The following FHOD3 variants were observed in gnomAD, a reference collection of about 807,000 sequenced individuals.
The protein encoded by FHOD3 is FH1/FH2 domain-containing protein 3.
In FHOD3, 90 loss-of-function variants were observed where a neutral mutation model predicts 173.0. The ratio of observed to expected loss-of-function variants is 0.52; its 90% CI spans 0.44 to 0.62. FHOD3 has a LOEUF of 0.62. FHOD3 is among the 20% of genes least tolerant of loss of function. The pLI, the probability that FHOD3 is intolerant of heterozygous loss-of-function variation, is 0.00. For missense variants in FHOD3, 1,945 were observed against 2,034.7 expected (o/e 0.96, Z 0.85); for synonymous variants, 828 against 823.0 (o/e 1.01, Z -0.10).
In FHOD3 at chr18:36,443,010, A is replaced by T. The variant is rs138037436; in HGVS notation, c.338-58922A>T. Among the ~76,000 whole-genome samples the T allele has an allele frequency of 3.3e-5, 5 of 152,190 alleles. No individual in the cohort carries two copies. The East Asian group carries it at 9.6e-4, about 29-fold the overall frequency. On this transcript the variant is annotated intron_variant, in intron 3 of 28. Coordinates refer to ENST00000590592, the MANE Select transcript of FHOD3 (RefSeq NM_001281740.3). ...TGATGTTTCCTTGTGATTGATTTCA[A>T]GTTATACATTTTTGACAAAATGCCA...
intron 26 of FHOD3, among the ~76,000 whole-genome samples, chr18:36,759,608 G>C (rs1235012348): frequency 6.6e-6 from 1 of 152,228 alleles, no homozygotes; most frequent in Non-Finnish European, 1.5e-5. Flanking sequence ...TTCCTCTGCT[G>C]GTGTTAATGG....
intron 5 of FHOD3, among the ~76,000 whole-genome samples, chr18:36,558,086 G>A (rs1025533970): frequency 6.6e-6 from 1 of 152,134 alleles, no homozygotes; most frequent in Admixed American, 6.5e-5. Flanking sequence ...TTCCCTGACT[G>A]AAGTACATTC....
At chr18:36,301,834 T>A (rs960099917) in intron 1 of FHOD3, among the ~76,000 whole-genome samples, 3 of 152,236 alleles carry the variant, frequency 2.0e-5, no homozygotes, top group Non-Finnish European at 4.4e-5. Flanking sequence ...ACTGGTGACT[T>A]TTTTAGTGTA....
intron 1 of FHOD3, among the ~76,000 whole-genome samples, chr18:36,303,299 T>G (rs1366084052): frequency 1.3e-5 from 2 of 152,142 alleles, no homozygotes; most frequent in African/African-American, 4.8e-5. Flanking sequence ...CAAATCCTAT[T>G]GTTAACTCTG....
chr18:36,454,860 T>C (rs1251111925), intron 3 of FHOD3, among the ~76,000 whole-genome samples: 4 of 152,314 alleles, frequency 2.6e-5, no homozygotes, highest in Non-Finnish European at 5.9e-5. Flanking sequence ...TACACCCAGC[T>C]TTCAGAGACA....
At chr18:36,382,244 C>T (rs981320106) in intron 3 of FHOD3, among the ~76,000 whole-genome samples, 23 of 152,092 alleles carry the variant, frequency 1.5e-4, no homozygotes, top group East Asian at 7.7e-4. Flanking sequence ...CTTTGATGAG[C>T]GAATGAAGAA....
At chr18:36,684,494 T>TAA (rs954584015) in intron 15 of FHOD3, among the ~76,000 whole-genome samples, 63 of 147,226 alleles carry the variant, frequency 4.3e-4, no homozygotes, top group African/African-American at 1.5e-3. Context: ...GATGTCTCTG[T>TAA]AAAAAAAAAA....
In FHOD3 at chr18:36,594,711, G is replaced by A. The variant is rs770180951; in HGVS notation, c.607-76G>A. The A allele has an allele frequency of 4.5e-4, 442 of 976,452 alleles. 2 individuals carry two copies. Among genetic ancestry groups the A allele is most frequent in the Non-Finnish European group, 6.4e-4 (404 of 632,766 alleles). 60.5% of individuals were successfully genotyped at this position (976,452 alleles called of 1,614,324 possible). A position where few individuals can be genotyped will look rare whatever the true frequency, so the allele number is the denominator to read the frequency against. The stretch of plus-strand genomic sequence containing the variant: ...CTCATCTAGGAAGTGCTGGGTGCCC[G>A]CTGCGGTTAGGAAGATGCTCTCTGG... On this transcript the variant is annotated intron_variant, in intron 6 of 28. Coordinates refer to ENST00000590592, the MANE Select transcript of FHOD3 (RefSeq NM_001281740.3).
intron 25 of FHOD3, 57 bp from the exon 26 acceptor site, chr18:36,759,061 C>G: frequency 6.6e-7 from 1 of 1,523,214 alleles, no homozygotes; most frequent in South Asian, 1.2e-5. Flanking sequence ...GACTTCTGTG[C>G]CTTCTAAGAA....
chr18:36,613,225 C>T (rs1360237939), intron 9 of FHOD3, among the ~76,000 whole-genome samples: 1 of 152,210 alleles, frequency 6.6e-6, no homozygotes, highest in East Asian at 1.9e-4. Context: ...ACATGAGCAG[C>T]AAGGAATGGC....
intron 3 of FHOD3, among the ~76,000 whole-genome samples, chr18:36,430,491 A>G (rs1404424024): frequency 6.6e-6 from 1 of 152,242 alleles, no homozygotes; most frequent in Non-Finnish European, 1.5e-5. Flanking sequence ...TGCTGGGATT[A>G]CAGGCGTGAG....
rs1341825906 is a variant in FHOD3, at chr18:36,583,849, G to A, written c.606+7304G>A. ...ATTACTATTATTATTATTTTGAGAC[G>A]GAGTCTCACTCTGTCACCCAGGCTG... On this transcript the variant is annotated intron_variant, in intron 6 of 28. Transcript: ENST00000590592. Among the ~76,000 whole-genome samples the A allele has an allele frequency of 2.6e-5, 4 of 151,474 alleles. No individual in the cohort carries two copies. The East Asian group carries it at 5.8e-4, about 22-fold the overall frequency.
chr18:36,456,098 A>T (rs1282049450), intron 3 of FHOD3, among the ~76,000 whole-genome samples: 1 of 152,068 alleles, frequency 6.6e-6, no homozygotes, highest in Non-Finnish European at 1.5e-5. Flanking sequence ...TGTGAAGTTA[A>T]TGGGGCTTCT....
intron 19 of FHOD3, among the ~76,000 whole-genome samples, chr18:36,722,077 G>A (rs1218153263): frequency 1.3e-5 from 2 of 152,080 alleles, no homozygotes; most frequent in Non-Finnish European, 1.5e-5. Flanking sequence ...TTCTGGAATT[G>A]GATCAATTTT....
chr18:36,441,082 C>T (rs1049338431), intron 3 of FHOD3, among the ~76,000 whole-genome samples: 3 of 152,086 alleles, frequency 2.0e-5, no homozygotes, highest in Admixed American at 6.5e-5. Flanking sequence ...TTATAGATTC[C>T]TCAGTTCCAG....
intron 3 of FHOD3, among the ~76,000 whole-genome samples, chr18:36,412,542 A>G (rs2049409084): frequency 6.6e-6 from 1 of 152,220 alleles, no homozygotes; most frequent in Admixed American, 6.5e-5. Flanking sequence ...TTGGAAAGAT[A>G]TTATGCGATT....
chr18:36,323,256 C>T (rs1036507865), intron 1 of FHOD3, among the ~76,000 whole-genome samples: 13 of 152,136 alleles, frequency 8.5e-5, no homozygotes, highest in African/African-American at 1.4e-4. Flanking sequence ...AGGCCAGCAA[C>T]GGGGAATGCC....
At chr18:36,480,781 T>C (rs2053839374) in intron 3 of FHOD3, among the ~76,000 whole-genome samples, 1 of 152,226 alleles carries the variant, frequency 6.6e-6, no homozygotes, top group Non-Finnish European at 1.5e-5. Context: ...TTGTATTGCA[T>C]GTTCATTGGC....
At chr18:36,478,593 T>C (rs1690538247) in intron 3 of FHOD3, among the ~76,000 whole-genome samples, 1 of 152,174 alleles carries the variant, frequency 6.6e-6, no homozygotes, top group Admixed American at 6.5e-5. Context: ...CCTCCTTCTG[T>C]CCACTTTACA....
Sources: allele counts gnomAD v4.1 joint callset (sites outside exome capture counted in the v4.1 genomes callset), GRCh38; gene constraint gnomAD v4.1.1; transcripts MANE v1.5; gene names NCBI Gene and HGNC (gene_info 2026-07-23, HGNC 2026-07-21).